The following NPFFR2 variants were observed in gnomAD, a reference collection of about 807,000 sequenced individuals.
The protein encoded by NPFFR2 is G-protein coupled receptor 74.
In NPFFR2, 15 loss-of-function variants were observed where a neutral mutation model predicts 13.1. The observed-to-expected ratio is 1.15, with a 90% CI of 0.77 to 1.76. The LOEUF (loss-of-function observed/expected upper bound fraction) is 1.76, where lower values mean the gene tolerates loss of function less well. NPFFR2 is among the 40% of genes most tolerant of loss of function. The pLI is 0.00. For synonymous variants in NPFFR2, 190 were observed against 175.7 expected (o/e 1.08, Z -0.65); for missense variants, 572 against 503.5 (o/e 1.14, Z -1.30).
intron 1 of NPFFR2, 98 bp downstream of exon 1, chr4:72,032,298 T>C (rs1718946614): frequency 1.5e-6 from 2 of 1,298,126 alleles, no homozygotes; most frequent in African/African-American, 3.0e-5. Flanking sequence ...TTAGCGATTG[T>C]GGACCGACAC....
chr4:72,058,675 T>C (rs545556466), intron 1 of NPFFR2, among the ~76,000 whole-genome samples: 1 of 152,176 alleles, frequency 6.6e-6, no homozygotes, highest in East Asian at 1.9e-4. Context: ...GACTGAGTTT[T>C]CTACTTAGGG....
intron 1 of NPFFR2, among the ~76,000 whole-genome samples, chr4:72,128,246 TATG>T (rs74328456): frequency 0.26 from 38,777 of 151,896 alleles, 6,184 homozygotes; most frequent in Admixed American, 0.34. Flanking sequence ...CTTGACAGAA[TATG>T]ATACCTGGAG....
In NPFFR2 at chr4:72,056,421, A is replaced by G. The variant is rs114955070; in HGVS notation, c.-8+24221A>G. On this transcript the variant is annotated intron_variant, in intron 1 of 3. Transcript: ENST00000308744. ...CAGCAAAGAAGATTCCTTTCAAAAC[A>G]TTACTTCTCATTTACAATGCACCTG... 5.8e-3 allele frequency among the ~76,000 whole-genome samples: 887 copies of G among 152,124 alleles called. 5 individuals carry two copies. The highest frequency in any genetic ancestry group is 0.02 in the African/African-American group (851 of 41,540).
intron 1 of NPFFR2, among the ~76,000 whole-genome samples, chr4:72,040,758 A>T (rs1719190622): frequency 6.6e-6 from 1 of 151,942 alleles, no homozygotes; most frequent in Non-Finnish European, 1.5e-5. Context: ...TGGGGAGATG[A>T]CCTATAAAGT....
At chr4:72,079,931 T>C (rs541433940) in intron 1 of NPFFR2, among the ~76,000 whole-genome samples, 98 of 152,268 alleles carry the variant, frequency 6.4e-4, no homozygotes, top group Admixed American at 1.6e-3. Flanking sequence ...ATTTTTGTGC[T>C]TTTAAAGGGA....
At chr4:72,035,972 T>C (rs188137193) in intron 1 of NPFFR2, among the ~76,000 whole-genome samples, 14 of 152,232 alleles carry the variant, frequency 9.2e-5, no homozygotes, top group Non-Finnish European at 1.6e-4. Flanking sequence ...TTTTCAGAAC[T>C]CTGGAGGGTT....
At chr4:72,040,833 A>T (rs1386985529) in intron 1 of NPFFR2, among the ~76,000 whole-genome samples, 6 of 151,562 alleles carry the variant, frequency 4.0e-5, no homozygotes, top group Non-Finnish European at 2.9e-5. Context: ...AAAATCTTTC[A>T]GTAGGGTTTT....
chr4:72,113,690 G>T (rs1486008439), intron 1 of NPFFR2, among the ~76,000 whole-genome samples: 1 of 152,056 alleles, frequency 6.6e-6, no homozygotes, highest in African/African-American at 2.4e-5. Flanking sequence ...GTTCTGAAAT[G>T]TACTAATAAT....
At chr4:72,074,000 CTTTCCAT>C in intron 1 of NPFFR2, among the ~76,000 whole-genome samples, 1 of 5,128 alleles carries the variant, frequency 2.0e-4, no homozygotes, top group South Asian at 7.9e-3. Context: ...AGTGGTTTCA[CTTTCCAT>C]GGGTTTCACT....
At chr4:72,115,116 T>G (rs1721673484) in intron 1 of NPFFR2, among the ~76,000 whole-genome samples, 1 of 152,186 alleles carries the variant, frequency 6.6e-6, no homozygotes, top group Admixed American at 6.5e-5. Context: ...AATTTTTGTC[T>G]GTTCATGGCC....
chr4:72,108,542 G>T (rs543233364), intron 1 of NPFFR2, among the ~76,000 whole-genome samples: 4 of 151,910 alleles, frequency 2.6e-5, no homozygotes, highest in Non-Finnish European at 5.9e-5. Context: ...TTTTAACAAA[G>T]AATTAAGGCA....
intron 1 of NPFFR2, among the ~76,000 whole-genome samples, chr4:72,059,885 G>C (rs1719871893): frequency 6.6e-6 from 1 of 152,078 alleles, no homozygotes; most frequent in African/African-American, 2.4e-5. Context: ...ATTAACTTGG[G>C]AACCTGCACA....
chr4:72,095,934 G>A (rs1186824474), intron 1 of NPFFR2, among the ~76,000 whole-genome samples: 2 of 152,190 alleles, frequency 1.3e-5, no homozygotes, highest in African/African-American at 4.8e-5. Flanking sequence ...TCTCAGTCAT[G>A]AGTGTCATTT....
intron 1 of NPFFR2, among the ~76,000 whole-genome samples, chr4:72,075,668 C>G (rs1720404714): frequency 6.6e-6 from 1 of 151,864 alleles, no homozygotes; most frequent in African/African-American, 2.4e-5. Flanking sequence ...AAGCCAATCA[C>G]AAAATAACAA....
chr4:72,037,032 G>A (rs1327611343), intron 1 of NPFFR2, among the ~76,000 whole-genome samples: 1 of 151,960 alleles, frequency 6.6e-6, no homozygotes, highest in East Asian at 1.9e-4. Context: ...TACTTGCAGC[G>A]TTCAGGATTT....
chr4:72,087,364 T>C (rs939095504), intron 1 of NPFFR2, among the ~76,000 whole-genome samples: 2 of 152,102 alleles, frequency 1.3e-5, no homozygotes, highest in African/African-American at 4.8e-5. Flanking sequence ...AAAATAAATT[T>C]CCATGGCTCC....
chr4:72,144,229 C>A (rs779564587), intron 3 of NPFFR2, among the ~76,000 whole-genome samples: 37 of 152,084 alleles, frequency 2.4e-4, no homozygotes, highest in Non-Finnish European at 4.0e-4. Flanking sequence ...CTCTATTGGT[C>A]TCTCCAAATG....
intron 1 of NPFFR2, among the ~76,000 whole-genome samples, chr4:72,123,884 A>G (rs1316690099): frequency 6.6e-6 from 1 of 152,228 alleles, no homozygotes; most frequent in Non-Finnish European, 1.5e-5. Flanking sequence ...CACCACTCCT[A>G]TTCAACATAG....
At chr4:72,121,135 G>A (rs997770636) in intron 1 of NPFFR2, among the ~76,000 whole-genome samples, 19 of 151,862 alleles carry the variant, frequency 1.3e-4, no homozygotes, top group African/African-American at 2.7e-4. Context: ...TCGATCAAGC[G>A]GAAGAAAGGA....
Sources: allele counts gnomAD v4.1 joint callset (sites outside exome capture counted in the v4.1 genomes callset), GRCh38; gene constraint gnomAD v4.1.1; transcripts MANE v1.5; gene names NCBI Gene and HGNC (gene_info 2026-07-23, HGNC 2026-07-21).